Variants in GRXCR1 observed in about 807,000 individuals in gnomAD.
The protein encoded by GRXCR1 is glutaredoxin and cysteine rich domain containing 1.
Under a neutral mutation model 27.3 loss-of-function variants are expected in GRXCR1, and 27 were observed. The observed-to-expected ratio is 0.99, with a 90% CI of 0.73 to 1.37. The LOEUF (loss-of-function observed/expected upper bound fraction) is 1.37, where lower values mean the gene tolerates loss of function less well. Ranked by LOEUF, GRXCR1 falls within the 40% of genes most tolerant of loss-of-function variation. The pLI, the probability that GRXCR1 is intolerant of heterozygous loss-of-function variation, is 0.00. For synonymous variants in GRXCR1, 122 were observed against 131.1 expected (o/e 0.93, Z 0.47); for missense variants, 379 against 354.4 (o/e 1.07, Z -0.56).
At chr4:42,905,577 C>A (rs1408150567) in intron 1 of GRXCR1, among the ~76,000 whole-genome samples, 3 of 152,092 alleles carry the variant, frequency 2.0e-5, no homozygotes, top group Non-Finnish European at 4.4e-5. Flanking sequence ...CCAGACGTTT[C>A]CCGTTGTTCT....
intron 1 of GRXCR1, among the ~76,000 whole-genome samples, chr4:42,958,766 A>G (rs1748065232): frequency 6.6e-6 from 1 of 152,032 alleles, no homozygotes; most frequent in Non-Finnish European, 1.5e-5. Context: ...ACCAGAATAG[A>G]TATTTCTCCG....
rs549637760 is a variant in GRXCR1 at position 42,934,264 on chromosome 4, A to G, written c.385-28628A>G. On this transcript the variant is annotated intron_variant, in intron 1 of 3. Transcript: ENST00000399770. Reference sequence around the variant, plus strand: ...ATTATATATATATATATATGTATATATGTATCCACACAGTTTAGCATATCC... The same window carrying G: ...ATTATATATATATATATATGTATATGTGTATCCACACAGTTTAGCATATCC... Among the ~76,000 whole-genome samples, 5 of 150,780 alleles carry G rather than the reference A, an allele frequency of 3.3e-5. No individual in the cohort carries two copies. In the Middle Eastern group the frequency reaches 0.01, roughly 312 times the overall value.
intron 1 of GRXCR1, among the ~76,000 whole-genome samples, chr4:42,942,246 T>C (rs1747642440): frequency 6.6e-6 from 1 of 152,050 alleles, no homozygotes; most frequent in African/African-American, 2.4e-5. Context: ...GAAACATATA[T>C]ACCGAGAAAA....
At chr4:42,909,501 G>A (rs1030728738) in intron 1 of GRXCR1, among the ~76,000 whole-genome samples, 1 of 152,080 alleles carries the variant, frequency 6.6e-6, no homozygotes, top group Non-Finnish European at 1.5e-5. Context: ...ATTTAATAAT[G>A]TATCCTGGAG....
At chr4:42,923,149 C>T (rs1332264022) in intron 1 of GRXCR1, among the ~76,000 whole-genome samples, 6 of 152,128 alleles carry the variant, frequency 3.9e-5, no homozygotes, top group Non-Finnish European at 8.8e-5. Flanking sequence ...TTATTCACCC[C>T]TCCATAAGGG....
chr4:42,961,050 T>A (rs980447388), intron 1 of GRXCR1, among the ~76,000 whole-genome samples: 1 of 151,858 alleles, frequency 6.6e-6, no homozygotes, highest in Non-Finnish European at 1.5e-5. Flanking sequence ...CTTCCCTGTG[T>A]CCACATCCTC....
chr4:42,993,102 C>T (rs1436772837), intron 2 of GRXCR1, among the ~76,000 whole-genome samples: 3 of 152,062 alleles, frequency 2.0e-5, no homozygotes, highest in African/African-American at 4.8e-5. Context: ...TCCCTCTGTT[C>T]CTTTCTTCTT....
chr4:43,001,758 T>C (rs1175047306), intron 2 of GRXCR1, among the ~76,000 whole-genome samples: 1 of 152,040 alleles, frequency 6.6e-6, no homozygotes, highest in Non-Finnish European at 1.5e-5. Context: ...AGGGGACCGG[T>C]GCTCCAGCAC....
At chr4:42,931,981 T>G (rs1049635179) in intron 1 of GRXCR1, among the ~76,000 whole-genome samples, 2 of 151,844 alleles carry the variant, frequency 1.3e-5, no homozygotes, top group African/African-American at 4.8e-5. Flanking sequence ...AACTACCCTT[T>G]ATAAAACCAT....
chr4:42,933,407 C>A (rs1389996519), intron 1 of GRXCR1, among the ~76,000 whole-genome samples: 4 of 151,902 alleles, frequency 2.6e-5, no homozygotes, highest in Non-Finnish European at 4.4e-5. Flanking sequence ...TTAGAGTCAG[C>A]ACCCACCCCC....
At chr4:42,923,886 T>G (rs574902735) in intron 1 of GRXCR1, among the ~76,000 whole-genome samples, 1 of 152,180 alleles carries the variant, frequency 6.6e-6, no homozygotes, top group African/African-American at 2.4e-5. Flanking sequence ...AGGTGGAAGT[T>G]TCAAGATGCT....
At chr4:43,020,543 G>T in intron 3 of GRXCR1, 124 bp downstream of exon 3, 2 of 717,488 alleles carry the variant, frequency 2.8e-6, no homozygotes, top group Admixed American at 4.1e-5. Context: ...TAGGATACAT[G>T]TGGCAGTTTT....
chr4:42,990,695 C>A (rs1711944641), intron 2 of GRXCR1, among the ~76,000 whole-genome samples: 1 of 151,856 alleles, frequency 6.6e-6, no homozygotes, highest in Non-Finnish European at 1.5e-5. Context: ...ACTTTTATTG[C>A]ATTGTCATTA....
At chr4:42,971,358 C>G (rs142718360) in intron 2 of GRXCR1, among the ~76,000 whole-genome samples, 8 of 152,150 alleles carry the variant, frequency 5.3e-5, no homozygotes, top group African/African-American at 1.9e-4. Context: ...CTACCAGTAC[C>G]AATTTCCTGT....
intron 1 of GRXCR1, among the ~76,000 whole-genome samples, chr4:42,922,102 G>T (rs987889024): frequency 6.6e-6 from 1 of 152,120 alleles, no homozygotes; most frequent in Admixed American, 6.6e-5. Flanking sequence ...ATAGATCAAG[G>T]TAACAAAGTA....
intron 1 of GRXCR1, among the ~76,000 whole-genome samples, chr4:42,941,779 A>G (rs1395496366): frequency 6.6e-6 from 1 of 152,056 alleles, no homozygotes; most frequent in Non-Finnish European, 1.5e-5. Flanking sequence ...CCTAACATTG[A>G]TCAGTCATCT....
chr4:43,021,943 T>C (rs532697418), intron 3 of GRXCR1, among the ~76,000 whole-genome samples: 36 of 152,320 alleles, frequency 2.4e-4, no homozygotes, highest in Admixed American at 1.5e-3. Flanking sequence ...ACTTTGGGCA[T>C]AACCTTTCAC....
chr4:42,994,006 A>C (rs1712060864), intron 2 of GRXCR1, among the ~76,000 whole-genome samples: 3 of 152,160 alleles, frequency 2.0e-5, no homozygotes, highest in Admixed American at 2.0e-4. Context: ...GCTTTGAAGT[A>C]ACTTTCTTAT....
At chr4:42,930,739 C>T (rs1049092102) in intron 1 of GRXCR1, among the ~76,000 whole-genome samples, 1 of 151,972 alleles carries the variant, frequency 6.6e-6, no homozygotes, top group African/African-American at 2.4e-5. Context: ...TTGGATTCCT[C>T]AGATCATCGA....
Sources: gnomAD v4.1 joint callset for allele counts (sites outside exome capture counted in the v4.1 genomes callset) on GRCh38, gnomAD v4.1.1 for gene constraint, MANE v1.5 for transcripts, NCBI Gene and HGNC (gene_info 2026-07-23, HGNC 2026-07-21) for gene names.